The following CEBPZOS variants were observed in gnomAD, a reference collection of about 807,000 sequenced individuals.
CEBPZOS encodes CEBPZ opposite strand.
A neutral mutation model predicts 4.8 loss-of-function variants in CEBPZOS; 10 were observed. The observed-to-expected ratio is 2.07, with a 90% CI of 1.28 to 3.52. CEBPZOS has a LOEUF of 3.52. CEBPZOS is among the 30% of genes most tolerant of loss of function. The pLI is 0.00. For missense variants in CEBPZOS, 98 were observed against 43.6 expected (o/e 2.25, Z -3.51); for synonymous variants, 25 against 14.2 (o/e 1.77, Z -1.72).
downstream of CEBPZOS, among the ~76,000 whole-genome samples, chr2:37,214,470 A>G: frequency 6.6e-6 from 1 of 152,142 alleles, no homozygotes; most frequent in East Asian, 1.9e-4. Context: ...TTAAAGTATT[A>G]TATTAAAATC....
chr2:37,212,009 C>G (rs1167860067), intron 4 of CEBPZOS: 1 of 1,592,612 alleles, frequency 6.3e-7, no homozygotes, highest in Admixed American at 1.9e-5. Context: ...ATGTGTTATC[C>G]TTAGCTCCTT....
Position 37,203,264 on chromosome 2 carries a change from C to T in CEBPZOS, c.*1404C>T, listed in dbSNP as rs547358734. On this transcript the variant is annotated 3_prime_UTR_variant, in exon 5 of 5. Transcript: ENST00000402297. ...TTGCTTTTCAGATTTGGCCACTGATCGAAGTTTTACCCATAAGGGAAATAA... is the reference window on the plus strand; with the variant it reads ...TTGCTTTTCAGATTTGGCCACTGATTGAAGTTTTACCCATAAGGGAAATAA... The T allele has an allele frequency of 7.5e-6, 2 of 265,456 alleles. No homozygotes were observed. The highest frequency in any genetic ancestry group is 6.7e-5 in the East Asian group (1 of 14,856). 16.4% of individuals were successfully genotyped at this position (265,456 alleles called of 1,614,324 possible). A position where few individuals can be genotyped will look rare whatever the true frequency, so the allele number is the denominator to read the frequency against.
In CEBPZOS at chr2:37,204,638, A is replaced by T. The variant is rs1677466114; in HGVS notation, c.*2778A>T. ...TGCCCAGGCTGATTAAAGTTTCTATAAGGTATGTTTATTCTTAAGGATATC... is the reference window on the plus strand; with the variant it reads ...TGCCCAGGCTGATTAAAGTTTCTATTAGGTATGTTTATTCTTAAGGATATC... On this transcript the variant is annotated 3_prime_UTR_variant, in exon 5 of 5. Coordinates refer to ENST00000402297, the MANE Select transcript of CEBPZOS (RefSeq NM_001322374.2). 1 of 152,076 alleles carries T rather than the reference A, an allele frequency of 6.6e-6. No homozygotes were observed. The highest frequency in any genetic ancestry group is 2.4e-5 in the African/African-American group (1 of 41,418). The allele number at this position is 152,076 out of a possible 1,614,324, so 9.4% of individuals were successfully genotyped here. A position where few individuals can be genotyped will look rare whatever the true frequency, so the allele number is the denominator to read the frequency against.
intron 4 of CEBPZOS, among the ~76,000 whole-genome samples, chr2:37,212,851 AC>A (rs1269783135): frequency 4.1e-5 from 6 of 146,360 alleles, no homozygotes; most frequent in Admixed American, 2.8e-4. Flanking sequence ...AAAAAAAAAA[AC>A]AAAAACAACA....
chr2:37,201,992 C>A lies in CEBPZOS; in HGVS notation c.*132C>A. On this transcript the variant is annotated 3_prime_UTR_variant, in exon 5 of 5. Coordinates refer to ENST00000402297, the MANE Select transcript of CEBPZOS (RefSeq NM_001322374.2). ...ACATGCTGCTGAGTCACAGGAACTT[C>A]TAGCCTGCCTTGGCCTGTGGTTTCC... 1.5e-6 allele frequency: 2 copies of A among 1,290,660 alleles called. No individual in the cohort carries two copies. Among genetic ancestry groups the A allele is most frequent in the Non-Finnish European group, 1.1e-6 (1 of 932,146 alleles). 80.0% of individuals were successfully genotyped at this position (1,290,660 alleles called of 1,614,324 possible). A position where few individuals can be genotyped will look rare whatever the true frequency, so the allele number is the denominator to read the frequency against.
chr2:37,212,835 TAAA>T (rs761764387), intron 4 of CEBPZOS, among the ~76,000 whole-genome samples: 1 of 62,024 alleles, frequency 1.6e-5, no homozygotes, highest in East Asian at 3.1e-4. Context: ...CTATCTCTAT[TAAA>T]AAAAAAAAAA....
At chr2:37,212,473 A>G in intron 4 of CEBPZOS, 5 of 1,202,366 alleles carry the variant, frequency 4.2e-6, no homozygotes, top group Middle Eastern at 1.9e-4. Context: ...CAATTATTCT[A>G]AGTCATGATT....
intron 4 of CEBPZOS, chr2:37,212,674 T>A: frequency 2.3e-6 from 1 of 442,168 alleles, no homozygotes; most frequent in Non-Finnish European, 4.0e-6. Flanking sequence ...AAATGATATT[T>A]AGCAATTGTC....
At chr2:37,198,460 A>C (rs1677055574) in intron 1 of CEBPZOS, 1 of 152,206 alleles carries the variant, frequency 6.6e-6, no homozygotes, top group South Asian at 2.1e-4. Context: ...ATAATCCTAC[A>C]AAAGGAAGGT....
downstream of CEBPZOS, chr2:37,213,745 G>T: frequency 1.5e-6 from 1 of 661,478 alleles, no homozygotes; most frequent in Non-Finnish European, 2.5e-6. Flanking sequence ...ACTGTGATTT[G>T]CATGATATTC....
At position 37,199,736 on chromosome 2, in the gene CEBPZOS, A is replaced by T. The variant is rs998519113; in HGVS notation, c.32A>T (p.Lys11Met). Reference sequence around the variant, plus strand: ...CGTACTTTGGAACCACTAGCAAAGAAGATCTTTAAAGGAGTTTTGGTAGCC... The same window carrying T: ...CGTACTTTGGAACCACTAGCAAAGATGATCTTTAAAGGAGTTTTGGTAGCC... Reference protein sequence around the residue: MARTLEPLAKKIFKGVLVAEL... With the variant: MARTLEPLAKMIFKGVLVAEL... The change falls in exon 2 of 5, where the codon AAG becomes ATG. Residue 11 changes from lysine (K) to methionine (M), a missense_variant. Physicochemically the swap from Lys to Met is moderately conservative, Grantham distance 95 (BLOSUM62 -1). Transcript: ENST00000402297. The T allele has an allele frequency of 4.2e-6, 3 of 717,414 alleles. No homozygotes were observed. The highest frequency in any genetic ancestry group is 1.7e-5 in the African/African-American group (1 of 57,286). 44.4% of individuals were successfully genotyped at this position (717,414 alleles called of 1,614,324 possible). A position where few individuals can be genotyped will look rare whatever the true frequency, so the allele number is the denominator to read the frequency against.
intron 1 of CEBPZOS, among the ~76,000 whole-genome samples, chr2:37,198,024 G>C (rs888755771): frequency 6.6e-6 from 1 of 152,034 alleles, no homozygotes; most frequent in Non-Finnish European, 1.5e-5. Context: ...GCTGGGCCTG[G>C]TGGCGGGAGT....
At chr2:37,215,883 A>G (rs541461222), downstream of CEBPZOS, among the ~76,000 whole-genome samples, 172 of 151,602 alleles carry the variant, frequency 1.1e-3, no homozygotes, top group South Asian at 9.8e-3. Flanking sequence ...GGGTGATGGT[A>G]ATGGGGAGGG....
chr2:37,201,231 C>G (rs182222217), intron 3 of CEBPZOS, 139 bp downstream of exon 3: 2 of 609,686 alleles, frequency 3.3e-6, no homozygotes, highest in Non-Finnish European at 5.9e-6. Flanking sequence ...AAATTCTCAT[C>G]TATTCTAGTG....
chr2:37,210,253 T>C (rs1302662812), intron 4 of CEBPZOS: 3 of 152,252 alleles, frequency 2.0e-5, no homozygotes, highest in Admixed American at 2.0e-4. Flanking sequence ...AACTATCATT[T>C]GATCTAGCAA....
chr2:37,200,913 G>T, intron 2 of CEBPZOS, 135 bp from the exon 3 acceptor site: 1 of 589,574 alleles, frequency 1.7e-6, no homozygotes, highest in East Asian at 3.0e-5. Flanking sequence ...TGGATTACCA[G>T]AAAGACCTTC....
Position 37,202,017 on chromosome 2 carries a change from C to T in CEBPZOS, c.*157C>T, listed in dbSNP as rs1415081666. ...CTAGCCTGCCTTGGCCTGTGGTTTC[C>T]CACCCACTATACAAACCCACTGCTT... On this transcript the variant is annotated 3_prime_UTR_variant, in exon 5 of 5. Transcript: ENST00000402297. 7 of 864,448 alleles carry T rather than the reference C, an allele frequency of 8.1e-6. No homozygotes were observed. Among genetic ancestry groups the T allele is most frequent in the Non-Finnish European group, 1.8e-6 (1 of 563,638 alleles). The allele number at this position is 864,448 out of a possible 1,614,324, so 53.5% of individuals were successfully genotyped here. A position where few individuals can be genotyped will look rare whatever the true frequency, so the allele number is the denominator to read the frequency against.
chr2:37,200,889 AAGG>A (rs1432386174), intron 2 of CEBPZOS, among the ~76,000 whole-genome samples, 156 bp from the exon 3 acceptor site: 1 of 152,224 alleles, frequency 6.6e-6, no homozygotes, highest in East Asian at 1.9e-4. Context: ...AAAAAAACAA[AAGG>A]AGATCGTTCC....
chr2:37,201,420 T>C (rs1042080941), intron 3 of CEBPZOS: 2 of 514,518 alleles, frequency 3.9e-6, no homozygotes, highest in African/African-American at 3.9e-5. Context: ...CTCTGTCAAG[T>C]AGATAAAGAC....
Sources: allele counts gnomAD v4.1 joint callset (sites outside exome capture counted in the v4.1 genomes callset), GRCh38; gene constraint gnomAD v4.1.1; transcripts MANE v1.5; gene names NCBI Gene and HGNC (gene_info 2026-07-23, HGNC 2026-07-21).